MYO5A: variants seen among roughly 807,000 people sequenced by gnomAD.
MYO5A encodes myosin VA.
A neutral mutation model predicts 249.7 loss-of-function variants in MYO5A; 98 were observed. The ratio of observed to expected loss-of-function variants is 0.39; its 90% CI spans 0.33 to 0.46. The LOEUF (loss-of-function observed/expected upper bound fraction) is 0.46. Ranked by LOEUF, MYO5A falls within the 20% of genes least tolerant of loss-of-function variation. MYO5A has a pLI of 0.98. For missense variants in MYO5A, 1,696 were observed against 2,308.8 expected, an observed-to-expected ratio of 0.73 and a Z score of 5.44; for synonymous variants, 778 against 810.6, an observed-to-expected ratio of 0.96 and a Z score of 0.68.
At chr15:52,450,866 G>GTTTTTTGTTTTTTTTT (rs2076007820) in intron 1 of MYO5A, among the ~76,000 whole-genome samples, 1 of 20,240 alleles carries the variant, frequency 4.9e-5, no homozygotes, top group African/African-American at 2.3e-4. Flanking sequence ...TTTTTTTTTT[G>GTTTTTTGTTTTTTTTT]TGACAGGGTC....
At chr15:52,314,005 AAGTT>A in intron 41 of MYO5A, 114 bp downstream of exon 41, 1 of 1,273,834 alleles carries the variant, frequency 7.9e-7, no homozygotes, top group Non-Finnish European at 1.1e-6. Flanking sequence ...ATTATCAAAA[AAGTT>A]AGTGCATTGT....
intron 1 of MYO5A, among the ~76,000 whole-genome samples, chr15:52,488,178 C>T (rs1169085189): frequency 6.7e-6 from 1 of 149,246 alleles, no homozygotes; most frequent in African/African-American, 2.5e-5. Flanking sequence ...GCATAGTATT[C>T]ACCAGGACTC....
chr15:52,320,985 C>T (rs752614332), intron 38 of MYO5A, among the ~76,000 whole-genome samples: 5 of 151,184 alleles, frequency 3.3e-5, no homozygotes, highest in Non-Finnish European at 7.4e-5. Flanking sequence ...TGCACTCCAG[C>T]CTGGGCGACA....
chr15:52,433,410 T>C, intron 1 of MYO5A, 125 bp from the exon 2 acceptor site: 1 of 416,932 alleles, frequency 2.4e-6, no homozygotes, highest in Non-Finnish European at 4.4e-6. Context: ...AACATGAAAT[T>C]CACTTTTTTT....
At chr15:52,526,118 G>A (rs2077725513) in intron 1 of MYO5A, among the ~76,000 whole-genome samples, 1 of 152,248 alleles carries the variant, frequency 6.6e-6, no homozygotes, top group South Asian at 2.1e-4. Context: ...GAAGAAGGCA[G>A]TGTAAGCCCC....
intron 1 of MYO5A, among the ~76,000 whole-genome samples, chr15:52,441,092 C>T (rs1051252269): frequency 2.0e-5 from 3 of 152,058 alleles, no homozygotes; most frequent in Admixed American, 6.5e-5. Flanking sequence ...GACATTAATG[C>T]GGATGTTACA....
chr15:52,319,522 G>T (rs1307792017), intron 38 of MYO5A, among the ~76,000 whole-genome samples, 180 bp from the exon 39 acceptor site: 1 of 152,156 alleles, frequency 6.6e-6, no homozygotes, highest in Non-Finnish European at 1.5e-5. Context: ...CTGGAGGCCA[G>T]GAGTTCAAGA....
intron 1 of MYO5A, among the ~76,000 whole-genome samples, chr15:52,453,804 T>C (rs953755814): frequency 6.6e-6 from 1 of 152,144 alleles, no homozygotes; most frequent in South Asian, 2.1e-4. Flanking sequence ...ACATAACTTA[T>C]TATATCTATA....
intron 32 of MYO5A, among the ~76,000 whole-genome samples, chr15:52,338,669 CA>C (rs957436112): frequency 9.2e-5 from 14 of 152,170 alleles, no homozygotes; most frequent in Non-Finnish European, 1.8e-4. Flanking sequence ...TCCCCAAACT[CA>C]AATTCATTAA....
At chr15:52,505,141 C>T in intron 1 of MYO5A, 1 of 710,730 alleles carries the variant, frequency 1.4e-6, no homozygotes, top group South Asian at 1.6e-5. Flanking sequence ...CCACTTAATT[C>T]AGGGCCCTCA....
intron 36 of MYO5A, among the ~76,000 whole-genome samples, chr15:52,324,924 T>A (rs1289526155): frequency 6.6e-6 from 1 of 152,198 alleles, no homozygotes; most frequent in Non-Finnish European, 1.5e-5. Context: ...TAAGTAAATA[T>A]CTGAAAGACC....
intron 9 of MYO5A, among the ~76,000 whole-genome samples, chr15:52,402,458 T>G (rs1207900578): frequency 6.6e-6 from 1 of 152,182 alleles, no homozygotes; most frequent in African/African-American, 2.4e-5. Flanking sequence ...CTCACTTGGC[T>G]ATGAAACCCA....
intron 1 of MYO5A, among the ~76,000 whole-genome samples, chr15:52,485,423 G>A (rs2076799879): frequency 6.6e-6 from 1 of 152,134 alleles, no homozygotes; most frequent in African/African-American, 2.4e-5. Context: ...TCCGTCACAT[G>A]AGTTAAGTAG....
intron 4 of MYO5A, among the ~76,000 whole-genome samples, chr15:52,416,650 A>AG (rs1276170018): frequency 6.6e-6 from 1 of 152,152 alleles, no homozygotes; most frequent in East Asian, 1.9e-4. Flanking sequence ...AGATCTGTGC[A>AG]GGGGGAAGCA....
At chr15:52,486,105 T>A (rs1441826588) in intron 1 of MYO5A, among the ~76,000 whole-genome samples, 1 of 152,136 alleles carries the variant, frequency 6.6e-6, no homozygotes, top group Non-Finnish European at 1.5e-5. Context: ...AAATTCCAAT[T>A]CAACACGTAT....
intron 25 of MYO5A, among the ~76,000 whole-genome samples, chr15:52,354,332 C>T (rs2040101309): frequency 6.6e-6 from 1 of 152,140 alleles, no homozygotes; most frequent in South Asian, 2.1e-4. Flanking sequence ...TTTTGCCGAA[C>T]TTACTAAAAT....
intron 38 of MYO5A, among the ~76,000 whole-genome samples, chr15:52,319,736 A>T (rs897927518): frequency 6.6e-6 from 1 of 152,222 alleles, no homozygotes; most frequent in Non-Finnish European, 1.5e-5. Context: ...ATTTCAAAAA[A>T]GAAAAAAATG....
chr15:52,396,206 A>G (rs2042477933), intron 11 of MYO5A, 110 bp downstream of exon 11: 1 of 732,710 alleles, frequency 1.4e-6, no homozygotes, highest in Non-Finnish European at 2.4e-6. Flanking sequence ...TAAGTTCCAT[A>G]TAATAATTTT....
chr15:52,515,876 C>T (rs1296299386), intron 1 of MYO5A, among the ~76,000 whole-genome samples: 1 of 152,010 alleles, frequency 6.6e-6, no homozygotes, highest in Non-Finnish European at 1.5e-5. Flanking sequence ...ACATCAATAT[C>T]TAAGGTGCAA....
Sources: allele counts gnomAD v4.1 joint callset (sites outside exome capture counted in the v4.1 genomes callset), GRCh38; gene constraint gnomAD v4.1.1; transcripts MANE v1.5; gene names NCBI Gene and HGNC (gene_info 2026-07-23, HGNC 2026-07-21).